TOP6BL: variants seen among roughly 807,000 people sequenced by gnomAD.
The protein encoded by TOP6BL is TOP6B like initiator of meiotic double strand breaks, also known as type 2 DNA topoisomerase 6 subunit B-like.
chr11:66,752,269 G>A, the TOP6BL span, among the ~76,000 whole-genome samples: 6 of 151,530 alleles, frequency 4.0e-5, no homozygotes, highest in African/African-American at 7.3e-5. Flanking sequence ...ACATCTCCAC[G>A]TATACCTAAT....
chr11:66,778,272 T>G, the TOP6BL span, among the ~76,000 whole-genome samples: 2 of 152,040 alleles, frequency 1.3e-5, no homozygotes, highest in African/African-American at 4.8e-5. Context: ...CTTGACACCA[T>G]GATGTACAAA....
At chr11:66,796,343 AATC>A in the TOP6BL span, 1 of 1,610,212 alleles carries the variant, frequency 6.2e-7, no homozygotes, top group Non-Finnish European at 8.5e-7. Flanking sequence ...TTTTACGTAA[AATC>A]ATCATGGTGC....
chr11:66,757,573 A>C, the TOP6BL span, among the ~76,000 whole-genome samples: 1 of 152,156 alleles, frequency 6.6e-6, no homozygotes, highest in African/African-American at 2.4e-5. Flanking sequence ...AAATGTGGCT[A>C]ATGTGACTGA....
At chr11:66,825,904 C>A in the TOP6BL span, among the ~76,000 whole-genome samples, 50 of 151,464 alleles carry the variant, frequency 3.3e-4, no homozygotes, top group Non-Finnish European at 6.3e-4. Flanking sequence ...TGCAGTGGCG[C>A]GATCTCAGCT....
the TOP6BL span, among the ~76,000 whole-genome samples, chr11:66,835,907 C>T: frequency 1.3e-5 from 2 of 152,134 alleles, no homozygotes; most frequent in African/African-American, 4.8e-5. Context: ...GGGTATATAT[C>T]TAGGAGTAGA....
At chr11:66,769,501 A>G in the TOP6BL span, among the ~76,000 whole-genome samples, 1 of 151,950 alleles carries the variant, frequency 6.6e-6, no homozygotes, top group African/African-American at 2.4e-5. Context: ...CTCAGAAAAA[A>G]AAGGTGAATA....
chr11:66,842,807 A>C, the TOP6BL span: 1 of 1,503,498 alleles, frequency 6.7e-7, no homozygotes, highest in Non-Finnish European at 9.0e-7. Context: ...CTCCTAGCAC[A>C]GGGCCATGAA....
At chr11:66,828,493 C>A in the TOP6BL span, 1 of 651,610 alleles carries the variant, frequency 1.5e-6, no homozygotes, top group Non-Finnish European at 2.7e-6. Context: ...GCAAGGAAGT[C>A]TGTGAAACAA....
At chr11:66,803,395 A>T in the TOP6BL span, among the ~76,000 whole-genome samples, 1 of 152,176 alleles carries the variant, frequency 6.6e-6, no homozygotes, top group Non-Finnish European at 1.5e-5. Flanking sequence ...CAGCCTAATA[A>T]ACATAGTGAG....
the TOP6BL span, chr11:66,822,552 T>C: frequency 6.6e-7 from 1 of 1,514,246 alleles, no homozygotes; most frequent in Non-Finnish European, 9.0e-7. Flanking sequence ...CCTTACTTGT[T>C]ATGTTCCCCA....
chr11:66,791,405 G>C, the TOP6BL span, among the ~76,000 whole-genome samples: 1 of 152,066 alleles, frequency 6.6e-6, no homozygotes, highest in East Asian at 1.9e-4. Context: ...AATACTAAGT[G>C]ATCAAGTGAA....
the TOP6BL span, among the ~76,000 whole-genome samples, chr11:66,819,668 G>A: frequency 3.9e-5 from 6 of 151,940 alleles, no homozygotes; most frequent in Non-Finnish European, 8.8e-5. Context: ...TTGGGAGGCC[G>A]AGGCGGGCGG....
the TOP6BL span, among the ~76,000 whole-genome samples, chr11:66,840,793 TC>T: frequency 1.3e-5 from 2 of 152,238 alleles, no homozygotes; most frequent in Non-Finnish European, 2.9e-5. Context: ...GCCTGGTTTT[TC>T]CCTCCCTGGG....
chr11:66,843,310 C>A, the TOP6BL span: 1 of 1,550,674 alleles, frequency 6.4e-7, no homozygotes, highest in Non-Finnish European at 8.7e-7. Context: ...AATAAAGCTG[C>A]CGCGCGCTCA....
the TOP6BL span, among the ~76,000 whole-genome samples, chr11:66,746,907 T>C: frequency 6.6e-6 from 1 of 152,034 alleles, no homozygotes; most frequent in Non-Finnish European, 1.5e-5. Context: ...AAATGAAATA[T>C]ATTTTATTTT....
chr11:66,813,885 G>A, the TOP6BL span: 2 of 1,613,814 alleles, frequency 1.2e-6, no homozygotes, highest in Non-Finnish European at 8.5e-7. Flanking sequence ...ATGGACCTTT[G>A]GGTCTGCCTC....
chr11:66,810,808 TG>T, the TOP6BL span, among the ~76,000 whole-genome samples: 2 of 152,188 alleles, frequency 1.3e-5, no homozygotes, highest in Non-Finnish European at 2.9e-5. Context: ...CATAGTGATT[TG>T]GGGTCTTGAG....
the TOP6BL span, among the ~76,000 whole-genome samples, chr11:66,835,719 A>G: frequency 6.6e-6 from 1 of 152,234 alleles, no homozygotes; most frequent in African/African-American, 2.4e-5. Context: ...AGGCTCATCT[A>G]TGTTGTACCA....
At chr11:66,800,719 T>C in the TOP6BL span, 13 of 1,565,414 alleles carry the variant, frequency 8.3e-6, no homozygotes, top group Admixed American at 1.1e-4. Flanking sequence ...GTCTATGGCT[T>C]AAGATGATGC....
Sources: allele counts gnomAD v4.1 joint callset (sites outside exome capture counted in the v4.1 genomes callset), GRCh38; gene constraint gnomAD v4.1.1; transcripts MANE v1.5; gene names NCBI Gene and HGNC (gene_info 2026-07-23, HGNC 2026-07-21).